The following RNF144B variants were observed in gnomAD, a reference collection of about 807,000 sequenced individuals.
The protein encoded by RNF144B is E3 ubiquitin-protein ligase RNF144B.
RNF144B carries 25 observed loss-of-function variants against 40.2 expected under a neutral mutation model. The ratio of observed to expected loss-of-function variants is 0.62; its 90% confidence interval spans 0.45 to 0.87. The LOEUF (loss-of-function observed/expected upper bound fraction) is 0.87, where lower values mean the gene tolerates loss of function less well. RNF144B is among the 40% of genes least tolerant of loss of function. The pLI, the probability that RNF144B is intolerant of heterozygous loss-of-function variation, is 0.00. For synonymous variants in RNF144B, 145 were observed against 136.3 expected (o/e 1.06, Z -0.44); for missense variants, 365 against 373.7 (o/e 0.98, Z 0.19).
In RNF144B at chr6:18,411,480, TATATATATATATATA is replaced by T. The variant is rs1306530896; in HGVS notation, c.165+11782_165+11796del. On this transcript the variant is annotated intron_variant, in intron 2 of 7. Transcript: ENST00000259939. ...CATGATTCATATATATATATATATA[TATATATATATATATA>T]TATTTTTTTTTTTTTTTTTTTTTTT... Among the ~76,000 whole-genome samples, 48 of 36,124 alleles carry T rather than the reference TATATATATATATATA, an allele frequency of 1.3e-3. 1 individual carries two copies. The highest frequency in any genetic ancestry group is 3.0e-3 in the African/African-American group (34 of 11,284). 23.7% of individuals were successfully genotyped at this position (36,124 alleles called of 152,430 possible).
rs185981855 is a variant in RNF144B, at chr6:18,402,536, A to G, written c.165+2837A>G. On this transcript the variant is annotated intron_variant, in intron 2 of 7. Transcript: ENST00000259939. ...TGCAATGTTCTTCTGTTCCTTTCTT[A>G]GAGGGATGTAAGGCACATTTGCATA... Among the ~76,000 whole-genome samples the G allele has an allele frequency of 1.5e-3, 137 of 90,084 alleles. 39 individuals carry two copies. Among genetic ancestry groups the G allele is most frequent in the African/African-American group, 4.2e-3 (127 of 30,576 alleles). The allele number at this position is 90,084 out of a possible 152,430, so 59.1% of individuals were successfully genotyped here.
At position 18,450,836 on chromosome 6, in the gene RNF144B, G is replaced by A. The variant is rs1759194743; in HGVS notation, c.332-6319G>A. On this transcript the variant is annotated intron_variant, in intron 4 of 7. Coordinates refer to ENST00000259939, the MANE Select transcript of RNF144B (RefSeq NM_182757.4). The surrounding 1 kb of genome is among the most constrained non-coding windows in gnomAD (Gnocchi z 4.7). ...GCTTCTAAATGCTGCCTGCAAAGTT[G>A]CTACCTCAGGGATTTTTTAAAAAAG... Among the ~76,000 whole-genome samples the A allele has an allele frequency of 1.3e-5, 2 of 152,138 alleles. No homozygotes were observed. Among genetic ancestry groups the A allele is most frequent in the African/African-American group, 4.8e-5 (2 of 41,422 alleles).
chr6:18,438,139 C>T (rs1758865658), intron 3 of RNF144B, among the ~76,000 whole-genome samples: 4 of 152,150 alleles, frequency 2.6e-5, no homozygotes, highest in South Asian at 2.1e-4. Context: ...GATGAATTAG[C>T]GACAAAGTCA....
rs1759101514 is a variant in RNF144B at position 18,447,105 on chromosome 6, A to G, written c.331+7361A>G. Reference sequence around the variant, plus strand: ...ATAAATAATATTAGATGGTGGGGGTATATCCTTTTATATAAATAAGGGTAA... The same window carrying G: ...ATAAATAATATTAGATGGTGGGGGTGTATCCTTTTATATAAATAAGGGTAA... On this transcript the variant is annotated intron_variant, in intron 4 of 7. Transcript: ENST00000259939. This position sits in a 1 kb window ranked among gnomAD's most constrained non-coding sequence, Gnocchi z 5.6. 6.6e-6 allele frequency among the ~76,000 whole-genome samples: 1 copy of G among 152,028 alleles called. No individual in the cohort carries two copies. The highest frequency in any genetic ancestry group is 2.1e-4 in the South Asian group (1 of 4,812).
Position 18,456,069 on chromosome 6 carries a change from C to G in RNF144B, c.332-1086C>G, listed in dbSNP as rs1452721972. ...TGCCAAGTAGCTGGGACTACAGGCACCCGCCACCATGCCCGGCTAATTTTT... is the reference window on the plus strand; with the variant it reads ...TGCCAAGTAGCTGGGACTACAGGCAGCCGCCACCATGCCCGGCTAATTTTT... On this transcript the variant is annotated intron_variant, in intron 4 of 7. Transcript: ENST00000259939. This position sits in a 1 kb window ranked among gnomAD's most constrained non-coding sequence, Gnocchi z 4.7. 6.6e-6 allele frequency among the ~76,000 whole-genome samples: 1 copy of G among 152,094 alleles called. No homozygotes were observed. Among genetic ancestry groups the G allele is most frequent in the Non-Finnish European group, 1.5e-5 (1 of 68,014 alleles).
chr6:18,391,785 G>A (rs897996401), intron 1 of RNF144B, among the ~76,000 whole-genome samples: 2 of 151,648 alleles, frequency 1.3e-5, no homozygotes, highest in African/African-American at 2.4e-5. Context: ...GGAGGATGGC[G>A]TGAACCCAGG....
intron 3 of RNF144B, 82 bp from the exon 4 acceptor site, chr6:18,439,602 A>G (rs1758910032): frequency 1.0e-6 from 1 of 956,234 alleles, no homozygotes; most frequent in Admixed American, 1.9e-5. Flanking sequence ...TAATAAGCAA[A>G]GCCAGAAAGA....
chr6:18,463,174 G>T, intron 6 of RNF144B, 117 bp from the exon 7 acceptor site: 1 of 655,340 alleles, frequency 1.5e-6, no homozygotes, highest in Non-Finnish European at 2.8e-6. Context: ...TCCTAGAGGG[G>T]GTCACTGATA....
rs973027123 is a variant in RNF144B, at chr6:18,464,726, A to G, written c.772-201A>G. Among the ~76,000 whole-genome samples, 7 of 152,194 alleles carry G rather than the reference A, an allele frequency of 4.6e-5. No homozygotes were observed. Among genetic ancestry groups the G allele is most frequent in the Admixed American group, 4.6e-4 (7 of 15,280 alleles). On this transcript the variant is annotated intron_variant, in intron 7 of 7. Transcript: ENST00000259939. This position sits in a 1 kb window ranked among gnomAD's most constrained non-coding sequence, Gnocchi z 6.1. The stretch of plus-strand genomic sequence containing the variant: ...TTCTTGTAAGAGCACCAATCCCATC[A>G]TGAGGGCCCTGCCCTCATAAACCAA...
chr6:18,387,980 G>A, intron 1 of RNF144B, among the ~76,000 whole-genome samples: 1 of 152,130 alleles, frequency 6.6e-6, no homozygotes, highest in Admixed American at 6.5e-5. Context: ...ATTTTATCAG[G>A]TAATTGCTAA....
intron 3 of RNF144B, among the ~76,000 whole-genome samples, chr6:18,432,473 T>C (rs1291909169): frequency 3.3e-5 from 5 of 152,256 alleles, no homozygotes; most frequent in African/African-American, 1.2e-4. Context: ...GCTTTTCCAA[T>C]GTACTTGATC....
At chr6:18,401,410 A>G (rs1794799371) in intron 2 of RNF144B, among the ~76,000 whole-genome samples, 1 of 152,218 alleles carries the variant, frequency 6.6e-6, no homozygotes, top group Admixed American at 6.5e-5. Context: ...AGTGCTCAAA[A>G]GCAGAGAGTC....
intron 4 of RNF144B, among the ~76,000 whole-genome samples, chr6:18,445,507 A>G (rs1287052538): frequency 6.6e-6 from 1 of 152,176 alleles, no homozygotes; most frequent in Non-Finnish European, 1.5e-5. Context: ...GCAGAGTCTC[A>G]AGATCACATA....
At chr6:18,394,820 A>G (rs1369102587) in intron 1 of RNF144B, among the ~76,000 whole-genome samples, 1 of 152,192 alleles carries the variant, frequency 6.6e-6, no homozygotes, top group Non-Finnish European at 1.5e-5. Flanking sequence ...TTCTCATATA[A>G]TGAACACTTT....
intron 4 of RNF144B, among the ~76,000 whole-genome samples, chr6:18,440,856 T>C (rs1473249172): frequency 6.7e-6 from 1 of 149,994 alleles, no homozygotes; most frequent in Admixed American, 6.7e-5. Context: ...GTGGATTACT[T>C]AACTCATAAG....
At chr6:18,390,048 G>A (rs1582392915) in intron 1 of RNF144B, among the ~76,000 whole-genome samples, 1 of 152,182 alleles carries the variant, frequency 6.6e-6, no homozygotes, top group Non-Finnish European at 1.5e-5. Context: ...GGGATATAAA[G>A]ATGGCTAAGA....
rs1016389998 is a variant in RNF144B, at chr6:18,434,766, C to G, written c.271-4918C>G. 1.3e-5 allele frequency among the ~76,000 whole-genome samples: 2 copies of G among 152,046 alleles called. No individual in the cohort carries two copies. Among genetic ancestry groups the G allele is most frequent in the Non-Finnish European group, 2.9e-5 (2 of 68,008 alleles). ...CCTCCTGAGTAGCTGGGACTACAGG[C>G]GCCTGCTACCACGCCCAGCTAATTT... On this transcript the variant is annotated intron_variant, in intron 3 of 7. Transcript: ENST00000259939. This position sits in a 1 kb window ranked among gnomAD's most constrained non-coding sequence, Gnocchi z 4.1.
chr6:18,434,254 C>T lies in RNF144B; in HGVS notation c.271-5430C>T, dbSNP rs1160313885. ...TTTTTCTTAACTAAAAAGCAATATA[C>T]ATTGTATTTATTAACACTTCATATG... On this transcript the variant is annotated intron_variant, in intron 3 of 7. Coordinates refer to ENST00000259939, the MANE Select transcript of RNF144B (RefSeq NM_182757.4). The surrounding 1 kb of genome is among the most constrained non-coding windows in gnomAD (Gnocchi z 4.1). Among the ~76,000 whole-genome samples, 1 of 152,028 alleles carries T rather than the reference C, an allele frequency of 6.6e-6. No homozygotes were observed. Among genetic ancestry groups the T allele is most frequent in the Non-Finnish European group, 1.5e-5 (1 of 68,004 alleles).
chr6:18,387,416 C>A lies in RNF144B; in HGVS notation c.-251C>A. On this transcript the variant is annotated 5_prime_UTR_variant, in exon 1 of 8. Coordinates refer to ENST00000259939, the MANE Select transcript of RNF144B (RefSeq NM_182757.4). Reference sequence around the variant, plus strand: ...GCAGCTGCCAGTCAAGGCTAGGAGGCGGTCGGGGACTCCGCCTCCTCCCGA... The same window carrying A: ...GCAGCTGCCAGTCAAGGCTAGGAGGAGGTCGGGGACTCCGCCTCCTCCCGA... The A allele has an allele frequency of 8.5e-7, 1 of 1,176,664 alleles. No individual in the cohort carries two copies. Among genetic ancestry groups the A allele is most frequent in the Non-Finnish European group, 1.1e-6 (1 of 930,202 alleles). The allele number at this position is 1,176,664 out of a possible 1,614,324, so 72.9% of individuals were successfully genotyped here. A position where few individuals can be genotyped will look rare whatever the true frequency, so the allele number is the denominator to read the frequency against.
Sources: gnomAD v4.1 joint callset for allele counts (sites outside exome capture counted in the v4.1 genomes callset) on GRCh38, gnomAD v4.1.1 for gene constraint, Gnocchi (gnomAD v3.1) non-coding constraint, MANE v1.5 for transcripts, NCBI Gene and HGNC (gene_info 2026-07-23, HGNC 2026-07-21) for gene names.